Variants in BRAF observed in about 807,000 individuals in gnomAD.
BRAF encodes B-Raf proto-oncogene, serine/threonine kinase.
Under a neutral mutation model 104.6 loss-of-function variants are expected in BRAF, and 16 were observed. The observed-to-expected ratio is 0.15, with a 90% CI of 0.10 to 0.23. The LOEUF (loss-of-function observed/expected upper bound fraction) is 0.23, where lower values mean the gene tolerates loss of function less well. BRAF is among the 10% of genes least tolerant of loss of function. The pLI, the probability that BRAF is intolerant of heterozygous loss-of-function variation, is 1.00. For synonymous variants in BRAF, 310 were observed against 341.6 expected (o/e 0.91, Z 1.02); for missense variants, 541 against 937.3 (o/e 0.58, Z 5.52).
At chr7:140,716,513 T>C (rs1290497442), downstream of BRAF, among the ~76,000 whole-genome samples, 1 of 152,186 alleles carries the variant, frequency 6.6e-6, no homozygotes, top group Non-Finnish European at 1.5e-5. Context: ...AACTTCCAGA[T>C]AGACCAGATT....
At chr7:140,742,888 CA>C (rs1247403843) in intron 17 of BRAF, among the ~76,000 whole-genome samples, 4 of 151,420 alleles carry the variant, frequency 2.6e-5, no homozygotes, top group Non-Finnish European at 5.9e-5. Context: ...AAAAAACAAA[CA>C]ACCCCATCAA....
chr7:140,752,772 C>A (rs530740955), intron 16 of BRAF, among the ~76,000 whole-genome samples: 1 of 151,940 alleles, frequency 6.6e-6, no homozygotes, highest in East Asian at 1.9e-4. Context: ...AATAAGATTG[C>A]GAAACAGCTT....
chr7:140,796,895 T>C (rs1191216166), intron 7 of BRAF, among the ~76,000 whole-genome samples: 1 of 152,242 alleles, frequency 6.6e-6, no homozygotes, highest in Non-Finnish European at 1.5e-5. Context: ...CTAATTTACA[T>C]AACAGGTATA....
intron 7 of BRAF, among the ~76,000 whole-genome samples, chr7:140,798,335 C>G (rs1802712159): frequency 7.1e-6 from 1 of 141,488 alleles, no homozygotes; most frequent in Non-Finnish European, 1.5e-5. Context: ...TGATCTCGGC[C>G]CGCTACAAGC....
At chr7:140,798,644 C>G (rs1802754032) in intron 7 of BRAF, among the ~76,000 whole-genome samples, 1 of 146,600 alleles carries the variant, frequency 6.8e-6, no homozygotes, top group African/African-American at 2.5e-5. Flanking sequence ...AAAGAGTACA[C>G]AGACCTGTGT....
At chr7:140,794,274 T>C (rs1802294249) in intron 8 of BRAF, 34 bp downstream of exon 8, 3 of 1,585,698 alleles carry the variant, frequency 1.9e-6, no homozygotes, top group Non-Finnish European at 2.6e-6. Flanking sequence ...ACATACTTGG[T>C]TTTTTTTTAG....
chr7:140,856,085 T>C, intron 1 of BRAF, among the ~76,000 whole-genome samples: 1 of 149,310 alleles, frequency 6.7e-6, no homozygotes, highest in East Asian at 1.9e-4. Flanking sequence ...CTTAAATTAA[T>C]ATATATGATA....
intron 3 of BRAF, among the ~76,000 whole-genome samples, chr7:140,824,970 TTTC>T (rs1041973559): frequency 2.0e-5 from 3 of 149,894 alleles, no homozygotes; most frequent in Non-Finnish European, 3.0e-5. Flanking sequence ...TGGGTTGTTT[TTTC>T]TTTTTTTTTT....
chr7:140,765,520 A>C (rs1365704571), intron 14 of BRAF, among the ~76,000 whole-genome samples: 1 of 151,998 alleles, frequency 6.6e-6, no homozygotes, highest in Admixed American at 6.5e-5. Context: ...GCAACCTACA[A>C]AATGGGAGAA....
At chr7:140,800,297 A>G in intron 7 of BRAF, 65 bp downstream of exon 7, 1 of 1,610,778 alleles carries the variant, frequency 6.2e-7, no homozygotes, top group Non-Finnish European at 8.5e-7. Flanking sequence ...TTTCTAATTA[A>G]CCAGGAGATC....
intron 10 of BRAF, 153 bp from the exon 10 acceptor site, chr7:140,783,310 C>T (rs1801058275): frequency 3.5e-6 from 3 of 866,726 alleles, no homozygotes; most frequent in Admixed American, 5.7e-5. Context: ...AAAAAGGGGC[C>T]TCATTTGGTG....
intron 1 of BRAF, among the ~76,000 whole-genome samples, chr7:140,855,485 G>A (rs1278091466): frequency 3.3e-5 from 5 of 151,512 alleles, no homozygotes; most frequent in Admixed American, 3.3e-4. Context: ...AAAAATCCTA[G>A]AAGATGCCCA....
intron 2 of BRAF, 76 bp downstream of exon 2, chr7:140,850,035 A>T: frequency 9.3e-7 from 1 of 1,078,464 alleles, no homozygotes; most frequent in Non-Finnish European, 1.4e-6. Context: ...AATAATCAAG[A>T]TTATCAGTAC....
intron 1 of BRAF, among the ~76,000 whole-genome samples, chr7:140,866,918 T>C (rs989310886): frequency 4.0e-5 from 6 of 151,840 alleles, no homozygotes; most frequent in African/African-American, 1.2e-4. Context: ...TATAATGTTA[T>C]GATGCATTCA....
intron 1 of BRAF, among the ~76,000 whole-genome samples, chr7:140,903,587 G>A (rs985817216): frequency 2.0e-5 from 3 of 152,174 alleles, no homozygotes; most frequent in Non-Finnish European, 4.4e-5. Context: ...AGAAGTAATT[G>A]TGACTTTCAA....
At chr7:140,858,366 G>A (rs1394058410) in intron 1 of BRAF, among the ~76,000 whole-genome samples, 1 of 152,198 alleles carries the variant, frequency 6.6e-6, no homozygotes, top group Non-Finnish European at 1.5e-5. Context: ...AATACGCTAA[G>A]ACTGCTACAC....
chr7:140,832,111 T>C (rs1301482104), intron 3 of BRAF, among the ~76,000 whole-genome samples: 1 of 152,250 alleles, frequency 6.6e-6, no homozygotes, highest in Non-Finnish European at 1.5e-5. Context: ...ATTATTCTTT[T>C]TACATATCTT....
At chr7:140,804,410 G>A (rs1803448518) in intron 5 of BRAF, among the ~76,000 whole-genome samples, 1 of 151,200 alleles carries the variant, frequency 6.6e-6, no homozygotes, top group South Asian at 2.1e-4. Context: ...TTTTTTTGGG[G>A]GGGGTGGTTA....
chr7:140,876,876 C>A (rs1812323026), intron 1 of BRAF, among the ~76,000 whole-genome samples: 1 of 151,960 alleles, frequency 6.6e-6, no homozygotes, highest in Non-Finnish European at 1.5e-5. Flanking sequence ...CTCACCAAAA[C>A]AGACCATATT....
Sources: allele counts gnomAD v4.1 joint callset (sites outside exome capture counted in the v4.1 genomes callset), GRCh38; gene constraint gnomAD v4.1.1; transcripts MANE v1.5; gene names NCBI Gene and HGNC (gene_info 2026-07-23, HGNC 2026-07-21).